ANXA8: variants seen among roughly 807,000 people sequenced by gnomAD.
ANXA8 encodes VAC-beta.
ANXA8 carries 9 observed loss-of-function variants against 26.8 expected under a neutral mutation model. The ratio of observed to expected loss-of-function variants is 0.34; its 90% CI spans 0.20 to 0.59. ANXA8 has a LOEUF of 0.59. Among genes scored for constraint, ANXA8 ranks in the 20% least tolerant of loss-of-function variants. ANXA8 has a pLI of 0.84. For synonymous variants in ANXA8, 39 were observed against 94.8 expected, an observed-to-expected ratio of 0.41 and a Z score of 3.42; for missense variants, 83 against 238.5, an observed-to-expected ratio of 0.35 and a Z score of 4.29.
chr10:47,528,477 C>T, the ANXA8 span, among the ~76,000 whole-genome samples: 1 of 141,478 alleles, frequency 7.1e-6, no homozygotes, highest in Non-Finnish European at 1.5e-5. Context: ...GCCTGATACA[C>T]TAAACAAAAC....
the ANXA8 span, among the ~76,000 whole-genome samples, chr10:47,493,847 C>T: frequency 8.5e-5 from 12 of 141,912 alleles, no homozygotes; most frequent in East Asian, 7.2e-4. Context: ...GCCTTCTGGG[C>T]GAGGCTGGGT....
At chr10:47,502,416 A>T in the ANXA8 span, 1 of 1,610,756 alleles carries the variant, frequency 6.2e-7, no homozygotes, top group Non-Finnish European at 8.5e-7. Flanking sequence ...GCTTCTCCTC[A>T]TATTTGGAAC....
the ANXA8 span, among the ~76,000 whole-genome samples, chr10:47,669,016 G>T: frequency 1.3e-5 from 2 of 151,788 alleles, no homozygotes; most frequent in Non-Finnish European, 2.9e-5. Flanking sequence ...AGGGCAGTGA[G>T]GATTTCAGTA....
At chr10:47,679,999 G>A in the ANXA8 span, among the ~76,000 whole-genome samples, 52 of 151,498 alleles carry the variant, frequency 3.4e-4, no homozygotes, top group Middle Eastern at 3.2e-3. Flanking sequence ...TTCTGAGATG[G>A]AGTTTCTCTC....
At chr10:47,708,514 G>A in the ANXA8 span, among the ~76,000 whole-genome samples, 2 of 141,212 alleles carry the variant, frequency 1.4e-5, no homozygotes, top group African/African-American at 4.9e-5. Context: ...TACACACTGG[G>A]GACTACTAGA....
At chr10:47,510,829 C>CAAAAA in the ANXA8 span, among the ~76,000 whole-genome samples, 1 of 27,302 alleles carries the variant, frequency 3.7e-5, no homozygotes, top group Non-Finnish European at 6.3e-5. Flanking sequence ...GACTCCGTCT[C>CAAAAA]AAAAAAAAAA....
the ANXA8 span, among the ~76,000 whole-genome samples, chr10:47,521,716 T>C: frequency 2.0e-5 from 3 of 150,734 alleles, no homozygotes. Flanking sequence ...CTAATTGTTT[T>C]CTGTTTTCTA....
chr10:47,637,309 G>T, the ANXA8 span, among the ~76,000 whole-genome samples: 1 of 147,024 alleles, frequency 6.8e-6, no homozygotes, highest in South Asian at 2.1e-4. Flanking sequence ...ATTTGCAGCA[G>T]ATGTTAAGTA....
At chr10:47,543,942 T>C in the ANXA8 span, among the ~76,000 whole-genome samples, 3 of 141,996 alleles carry the variant, frequency 2.1e-5, no homozygotes, top group African/African-American at 8.1e-5. Context: ...ATGCAGAAAA[T>C]CCGTTTCTGG....
At chr10:47,734,761 A>G in the ANXA8 span, among the ~76,000 whole-genome samples, 1 of 135,190 alleles carries the variant, frequency 7.4e-6, no homozygotes, top group African/African-American at 3.0e-5. Flanking sequence ...GCTCACGCCT[A>G]TAATCCCAGC....
the ANXA8 span, among the ~76,000 whole-genome samples, chr10:47,746,841 C>T: frequency 2.1e-5 from 2 of 93,802 alleles, no homozygotes; most frequent in African/African-American, 3.9e-5. Context: ...AGTAACTGTT[C>T]CCTCGTTGGC....
the ANXA8 span, among the ~76,000 whole-genome samples, chr10:47,552,118 C>T: frequency 6.6e-6 from 1 of 151,646 alleles, no homozygotes; most frequent in Non-Finnish European, 1.5e-5. Flanking sequence ...TCATTTCTCT[C>T]TGTTATGCTA....
At chr10:47,966,220 C>G in the ANXA8 span, among the ~76,000 whole-genome samples, 5 of 104,360 alleles carry the variant, frequency 4.8e-5, no homozygotes, top group Admixed American at 4.1e-4. Context: ...GACGAAGAGG[C>G]AGAGTCAGCC....
upstream of ANXA8, among the ~76,000 whole-genome samples, chr10:47,486,972 C>CAAAACAAAAACA (rs1243393744): frequency 0.18 from 24,918 of 140,716 alleles, 2,344 homozygotes; most frequent in East Asian, 0.45. Flanking sequence ...GACTCTATCT[C>CAAAACAAAAACA]AAAACAAAAA....
At chr10:47,894,710 C>G in the ANXA8 span, among the ~76,000 whole-genome samples, 1 of 152,352 alleles carries the variant, frequency 6.6e-6, no homozygotes, top group African/African-American at 2.4e-5. Flanking sequence ...ACTAACACCC[C>G]ATACAGTACA....
At chr10:47,682,474 T>C in the ANXA8 span, among the ~76,000 whole-genome samples, 4 of 144,742 alleles carry the variant, frequency 2.8e-5, no homozygotes, top group South Asian at 2.2e-4. Flanking sequence ...TTTTTCTTTT[T>C]TTTTTTTTTT....
chr10:47,969,880 C>T, the ANXA8 span, among the ~76,000 whole-genome samples: 1 of 151,252 alleles, frequency 6.6e-6, no homozygotes, highest in African/African-American at 2.4e-5. Flanking sequence ...AGTGCTAGGC[C>T]TCTCATGAAC....
chr10:47,557,003 CTTTTTTTTTTTTTTTTTT>C, the ANXA8 span, among the ~76,000 whole-genome samples: 153 of 113,452 alleles, frequency 1.3e-3, no homozygotes, highest in African/African-American at 5.0e-3. Flanking sequence ...TATTTTCTTT[CTTTTTTTTTTTTTTTTTT>C]TTTGAGATGG....
the ANXA8 span, among the ~76,000 whole-genome samples, chr10:47,551,040 C>G: frequency 6.6e-6 from 1 of 150,554 alleles, no homozygotes; most frequent in Admixed American, 6.6e-5. Context: ...CTATCCAAAT[C>G]AATTGCTGTT....
Sources: allele counts gnomAD v4.1 joint callset (sites outside exome capture counted in the v4.1 genomes callset), GRCh38; gene constraint gnomAD v4.1.1; transcripts MANE v1.5; gene names NCBI Gene and HGNC (gene_info 2026-07-23, HGNC 2026-07-21).